AP3D1: variants seen among roughly 807,000 people sequenced by gnomAD.
The protein encoded by AP3D1 is adaptor related protein complex 3 subunit delta 1.
Under a neutral mutation model 147.6 loss-of-function variants are expected in AP3D1, and 51 were observed. The ratio of observed to expected loss-of-function variants is 0.35; its 90% CI spans 0.28 to 0.44. The LOEUF (loss-of-function observed/expected upper bound fraction) is 0.44, where lower values mean the gene tolerates loss of function less well. Ranked by LOEUF, AP3D1 falls within the 20% of genes least tolerant of loss-of-function variation. AP3D1 has a pLI of 1.00. For synonymous variants in AP3D1, 760 were observed against 663.0 expected (o/e 1.15, Z -2.25); for missense variants, 1,421 against 1,624.2 (o/e 0.87, Z 2.15).
At chr19:2,140,823 A>G (rs1476821349) in intron 1 of AP3D1, among the ~76,000 whole-genome samples, 1 of 149,712 alleles carries the variant, frequency 6.7e-6, no homozygotes, top group Non-Finnish European at 1.5e-5. Context: ...CAGTGGCACA[A>G]TCTCGGCTCA....
intron 1 of AP3D1, among the ~76,000 whole-genome samples, chr19:2,163,931 T>C (rs1465575985): frequency 6.7e-6 from 1 of 149,442 alleles, no homozygotes; most frequent in Non-Finnish European, 1.5e-5. Flanking sequence ...GGCCCCCGGC[T>C]CATTGTGCTC....
chr19:2,120,811 C>T (rs777949673), intron 14 of AP3D1, 51 bp downstream of exon 14: 11 of 1,550,510 alleles, frequency 7.1e-6, no homozygotes, highest in African/African-American at 1.4e-5. Flanking sequence ...TGGTCCCTAC[C>T]CCTCAGAAGC....
intron 16 of AP3D1, 190 bp downstream of exon 16, chr19:2,117,032 G>A (rs961439274): frequency 2.3e-6 from 2 of 852,562 alleles, no homozygotes; most frequent in African/African-American, 1.7e-5. Context: ...AGCATCCCCA[G>A]GCAGAAGCCA....
chr19:2,107,234 T>C (rs1156267844), intron 31 of AP3D1, among the ~76,000 whole-genome samples: 1 of 147,450 alleles, frequency 6.8e-6, no homozygotes, highest in African/African-American at 2.5e-5. Flanking sequence ...CAGTCCAGCC[T>C]GGGCGACAGA....
rs1441807011 is a variant in AP3D1 at position 2,101,996 on chromosome 19, T to C, written c.*177A>G. 2 of 591,584 alleles carry C rather than the reference T, an allele frequency of 3.4e-6. No individual in the cohort carries two copies. Among genetic ancestry groups the C allele is most frequent in the East Asian group, 6.0e-5 (2 of 33,240 alleles). The allele number at this position is 591,584 out of a possible 1,614,324, so 36.6% of individuals were successfully genotyped here. On this transcript the variant is annotated 3_prime_UTR_variant, in exon 32 of 32. Coordinates refer to ENST00000643116, the MANE Select transcript of AP3D1 (RefSeq NM_001261826.3). ...TGGGAAGAGTCACAGTAAAAAAGGA[T>C]GGTCAGATAATTCAACGCAACAAAT...
intron 4 of AP3D1, among the ~76,000 whole-genome samples, chr19:2,135,652 G>A (rs1333190959): frequency 2.0e-5 from 3 of 152,176 alleles, no homozygotes; most frequent in Admixed American, 1.3e-4. Context: ...ACCTGCGTCC[G>A]AGGCCAGGCC....
chr19:2,136,026 A>G (rs1229186353), intron 4 of AP3D1, among the ~76,000 whole-genome samples: 1 of 151,180 alleles, frequency 6.6e-6, no homozygotes, highest in Non-Finnish European at 1.5e-5. Context: ...CCACGACCCA[A>G]GAAGACTCCC....
At position 2,137,314 on chromosome 19, in the gene AP3D1, G is replaced by GT. The variant is rs113229005; in HGVS notation, c.274-224dup. Among the ~76,000 whole-genome samples the GT allele has an allele frequency of 0.037, 5,428 of 146,110 alleles. 297 individuals carry two copies. Among genetic ancestry groups the GT allele is most frequent in the African/African-American group, 0.12 (4,973 of 40,132 alleles). On this transcript the variant is annotated intron_variant, in intron 3 of 31. Coordinates refer to ENST00000643116, the MANE Select transcript of AP3D1 (RefSeq NM_001261826.3). ...AATTCCCAGTTTGGAATATGTATGTGTTTTTTTTTTTTTCTTGGAGACAAA... is the reference window on the plus strand; with the variant it reads ...AATTCCCAGTTTGGAATATGTATGTGTTTTTTTTTTTTTTCTTGGAGACAAA...
intron 20 of AP3D1, 38 bp downstream of exon 20, chr19:2,115,181 A>G (rs746475971): frequency 1.9e-6 from 3 of 1,588,008 alleles, no homozygotes; most frequent in African/African-American, 1.3e-5. Flanking sequence ...ATGCGGAAAG[A>G]TAGACATCCT....
chr19:2,155,040 C>T (rs1436661253), upstream of AP3D1, among the ~76,000 whole-genome samples: 4 of 151,926 alleles, frequency 2.6e-5, no homozygotes, highest in South Asian at 2.1e-4. Flanking sequence ...ATTAGCCGGG[C>T]GTGGTGGCGA....
At chr19:2,150,807 G>T (rs1325741678) in intron 1 of AP3D1, among the ~76,000 whole-genome samples, 1 of 152,056 alleles carries the variant, frequency 6.6e-6, no homozygotes, top group Non-Finnish European at 1.5e-5. Flanking sequence ...CGGTGATTCG[G>T]AAACACACTC....
chr19:2,129,290 G>C, intron 7 of AP3D1, 28 bp downstream of exon 7: 1 of 1,613,632 alleles, frequency 6.2e-7, no homozygotes, highest in Non-Finnish European at 8.5e-7. Context: ...CACAGGGTGA[G>C]GAGGCCACAT....
intron 1 of AP3D1, among the ~76,000 whole-genome samples, chr19:2,158,134 C>A (rs753926327): frequency 1.3e-5 from 2 of 152,092 alleles, no homozygotes; most frequent in Non-Finnish European, 2.9e-5. Context: ...CGGCTCACTG[C>A]AAGCTCCACC....
At chr19:2,106,048 G>A (rs940178513) in intron 31 of AP3D1, among the ~76,000 whole-genome samples, 3 of 151,794 alleles carry the variant, frequency 2.0e-5, no homozygotes, top group Non-Finnish European at 2.9e-5. Context: ...AGCTGAGATC[G>A]CACCACTGCA....
intron 1 of AP3D1, among the ~76,000 whole-genome samples, chr19:2,148,813 C>T (rs1456631384): frequency 6.6e-6 from 1 of 152,182 alleles, no homozygotes; most frequent in Admixed American, 6.6e-5. Flanking sequence ...AGCCTTGTTT[C>T]CATGATGCCA....
chr19:2,107,557 G>A (rs987281952), intron 31 of AP3D1, among the ~76,000 whole-genome samples: 4 of 151,716 alleles, frequency 2.6e-5, no homozygotes, highest in Non-Finnish European at 2.9e-5. Flanking sequence ...TGGCTAACAC[G>A]GTGAAACCCT....
At chr19:2,163,433 C>G (rs2019776882) in intron 1 of AP3D1, among the ~76,000 whole-genome samples, 1 of 151,714 alleles carries the variant, frequency 6.6e-6, no homozygotes, top group Non-Finnish European at 1.5e-5. Flanking sequence ...CTCAGGTGAT[C>G]TGCCCGCCTT....
chr19:2,122,012 G>GC (rs1452440826), intron 11 of AP3D1, 133 bp from the exon 12 acceptor site: 4 of 1,033,356 alleles, frequency 3.9e-6, no homozygotes, highest in Non-Finnish European at 5.5e-6. Flanking sequence ...GGTGGACAGA[G>GC]CAAGTATCCC....
At chr19:2,115,671 C>G in intron 18 of AP3D1, 58 bp from the exon 19 acceptor site, 1 of 1,554,430 alleles carries the variant, frequency 6.4e-7, no homozygotes, top group Non-Finnish European at 8.8e-7. Flanking sequence ...ACGTGCAAGA[C>G]AAGCCTCGGG....
Sources: gnomAD v4.1 joint callset for allele counts (sites outside exome capture counted in the v4.1 genomes callset) on GRCh38, gnomAD v4.1.1 for gene constraint, MANE v1.5 for transcripts, NCBI Gene and HGNC (gene_info 2026-07-23, HGNC 2026-07-21) for gene names.